HSPG2: variants seen among roughly 807,000 people sequenced by gnomAD.
The protein encoded by HSPG2 is heparan sulfate proteoglycan 2, also known as basement membrane-specific heparan sulfate proteoglycan core protein.
In HSPG2, 278 loss-of-function variants were observed where a neutral mutation model predicts 526.6. The ratio of observed to expected loss-of-function variants is 0.53; its 90% confidence interval spans 0.48 to 0.58. The LOEUF is 0.58. Ranked by LOEUF, HSPG2 falls within the 20% of genes least tolerant of loss-of-function variation. The pLI, the probability that HSPG2 is intolerant of heterozygous loss-of-function variation, is 0.00. For synonymous variants in HSPG2, 2,465 were observed against 2,555.4 expected, an observed-to-expected ratio of 0.96 and a Z score of 1.07; for missense variants, 5,354 against 6,099.5, an observed-to-expected ratio of 0.88 and a Z score of 4.07.
rs2097956311 is a variant in HSPG2 at position 21,823,174 on chromosome 1, T to A, written c.*142A>T. The A allele has an allele frequency of 3.6e-6, 3 of 829,954 alleles. No individual in the cohort carries two copies. In the Admixed American group the frequency reaches 9.5e-5, roughly 26 times the overall value. The allele number at this position is 829,954 out of a possible 1,614,324, so 51.4% of individuals were successfully genotyped here. ...TGTGTGTGAGGGTGGCATGCCCACC[T>A]CCAGTCCAGCCCAGGGCGGTAGCAG... On this transcript the variant is annotated 3_prime_UTR_variant, in exon 97 of 97. Transcript: ENST00000374695.
chr1:21,838,962 C>A lies in HSPG2; in HGVS notation c.10013G>T (p.Ser3338Ile). 1 of 1,612,746 alleles carries A rather than the reference C, an allele frequency of 6.2e-7. No individual in the cohort carries two copies. The highest frequency in any genetic ancestry group is 8.5e-7 in the Non-Finnish European group (1 of 1,179,238). Reference protein sequence around the residue: ...LTFQWSRVGSSLPGRATARNE... With the variant: ...LTFQWSRVGSILPGRATARNE... ...CCTGGCGGTCGCCCTCCCAGGAAGGCTGCTGCCCACGCGGCTCCACTGGAA... is the reference window on the plus strand; with the variant it reads ...CCTGGCGGTCGCCCTCCCAGGAAGGATGCTGCCCACGCGGCTCCACTGGAA... Residue 3338 changes from serine to isoleucine, a missense_variant, in exon 74 of 97, where the codon AGC becomes ATC. Ser to Ile is a moderately radical substitution (Grantham distance 142). Transcript: ENST00000374695.
Position 21,851,574 on chromosome 1 carries a change from C to G in HSPG2, c.7130G>C (p.Arg2377Pro). ...QSHAQVTWHK[R>P]GGSLPVRHQT... ...GTGCCGGACAGGGAGGCTGCCCCCA[C>G]GCTTGTGCCACGTGACCTGGGCATG... is the stretch of plus-strand genomic sequence containing the variant. Residue 2377 changes from arginine (R) to proline (P), a missense_variant, in exon 55 of 97, where the codon CGT becomes CCT. Transcript: ENST00000374695. 6.2e-7 allele frequency: 1 copy of G among 1,614,054 alleles called. No homozygotes were observed. Among genetic ancestry groups the G allele is most frequent in the Non-Finnish European group, 8.5e-7 (1 of 1,180,048 alleles).
intron 1 of HSPG2, among the ~76,000 whole-genome samples, chr1:21,924,074 A>T (rs1159096733): frequency 6.6e-6 from 1 of 152,152 alleles, no homozygotes; most frequent in Non-Finnish European, 1.5e-5. Flanking sequence ...GGGGCTACAC[A>T]AGAAGACAGG....
In HSPG2 at chr1:21,896,296, C is replaced by T. The variant is rs1421195425; in HGVS notation, c.78G>A (p.Leu26=). 6.2e-7 allele frequency: 1 copy of T among 1,613,590 alleles called. No homozygotes were observed. The highest frequency in any genetic ancestry group is 8.5e-7 in the Non-Finnish European group (1 of 1,180,026). ...GCAGAGACAAGCCATCGTATGCCCT[C>T]AGCCCATGGGTCACCTGTAAGCAAA... is the stretch of plus-strand genomic sequence containing the variant. ...HGRLLAVTHG[L]RAYDGLSLPE... Residue 26 remains leucine (L), a synonymous_variant, in exon 2 of 97, where the codon CTG becomes CTA. Transcript: ENST00000374695.
At chr1:21,826,634 G>A (rs1490294502) in intron 91 of HSPG2, among the ~76,000 whole-genome samples, 2 of 151,406 alleles carry the variant, frequency 1.3e-5, no homozygotes, top group South Asian at 2.1e-4. Flanking sequence ...CTCAGCCTCC[G>A]GAGTAGCTGG....
rs1225510685 is a variant in HSPG2 at position 21,878,428 on chromosome 1, C to G, written c.2617+5G>C. ...GTGTCAGGGGATGGTGGCAGCCATA[C>G]TCACTGACGGGCCTGCACTTCCCGC... On this transcript the variant is annotated splice_donor_5th_base_variant and intron_variant, in intron 20 of 96. Transcript: ENST00000374695. 2 of 1,602,130 alleles carry G rather than the reference C, an allele frequency of 1.2e-6. No individual in the cohort carries two copies. The highest frequency in any genetic ancestry group is 1.7e-6 in the Non-Finnish European group (2 of 1,173,034).
chr1:21,830,893 C>T, intron 85 of HSPG2, 89 bp downstream of exon 85: 1 of 833,250 alleles, frequency 1.2e-6, no homozygotes, highest in Admixed American at 2.0e-5. Flanking sequence ...GGAAGTGCCC[C>T]AGTGGTTGAG....
rs139890391 is a variant in HSPG2 at position 21,905,847 on chromosome 1, C to CA, written c.64-9538dup. ...ACAACATAGTGAGACTCTGTCTCTA[C>CA]AAAAAAATTAAAAATCAGCCCGTTG... is the stretch of plus-strand genomic sequence containing the variant. On this transcript the variant is annotated intron_variant, in intron 1 of 96. Transcript: ENST00000374695. 1.2e-3 allele frequency among the ~76,000 whole-genome samples: 190 copies of CA among 152,210 alleles called. 5 individuals carry two copies. In the East Asian group the frequency reaches 0.031, roughly 25 times the overall value.
chr1:21,841,768 A>G lies in HSPG2; in HGVS notation c.9194-95T>C. 8.0e-6 allele frequency: 12 copies of G among 1,498,294 alleles called. 1 individual carries two copies. In the South Asian group the frequency reaches 8.0e-5, roughly 10 times the overall value. 92.8% of individuals were successfully genotyped at this position (1,498,294 alleles called of 1,614,324 possible). ...CTGTGCCCCTGGGCCCACTTCCCCA[A>G]TCCCTCCGGCCTGGGTGTGTCTAGC... On this transcript the variant is annotated intron_variant, in intron 69 of 96. Transcript: ENST00000374695.
chr1:21,855,797 G>C lies in HSPG2; in HGVS notation c.5691C>G (p.Leu1897=). The change falls in exon 45 of 97, where the codon CTC becomes CTG. Residue 1897 remains leucine (L), a synonymous_variant. Coordinates refer to ENST00000374695, the MANE Select transcript of HSPG2 (RefSeq NM_005529.7). ...CCATCACGGCCTCACCTGTCCACTC[G>C]AGGGTGGGCGTGGGGCTCCCTGTGG... ...CSATGSPTPT[L]EWTGGPGGQL... 1 of 1,613,176 alleles carries C rather than the reference G, an allele frequency of 6.2e-7. No homozygotes were observed. Among genetic ancestry groups the C allele is most frequent in the Non-Finnish European group, 8.5e-7 (1 of 1,179,888 alleles).
chr1:21,894,412 C>A (rs541534196), intron 3 of HSPG2, among the ~76,000 whole-genome samples: 1 of 152,128 alleles, frequency 6.6e-6, no homozygotes, highest in Non-Finnish European at 1.5e-5. Context: ...GGGAGGCACA[C>A]CTGCTGCCTC....
chr1:21,890,404 G>T lies in HSPG2; in HGVS notation c.413+23C>A, dbSNP rs1310368206. ...GGTTACCCGCTCAAGTCCCCCAGCA[G>T]CCCCCAGGGAGCCCCTTCTCACTTG... On this transcript the variant is annotated intron_variant, in intron 5 of 96. Coordinates refer to ENST00000374695, the MANE Select transcript of HSPG2 (RefSeq NM_005529.7). The surrounding 1 kb of genome is among the most constrained non-coding windows in gnomAD (Gnocchi z 4.1). The T allele has an allele frequency of 4.3e-6, 7 of 1,611,240 alleles. No individual in the cohort carries two copies. Among genetic ancestry groups the T allele is most frequent in the Non-Finnish European group, 5.1e-6 (6 of 1,177,618 alleles).
Position 21,845,996 on chromosome 1 carries a change from G to A in HSPG2, c.8464+112C>T, listed in dbSNP as rs1638400331. 3 of 1,301,964 alleles carry A rather than the reference G, an allele frequency of 2.3e-6. No homozygotes were observed. The East Asian group carries it at 6.9e-5, about 30-fold the overall frequency. The allele number at this position is 1,301,964 out of a possible 1,614,324, so 80.7% of individuals were successfully genotyped here. On this transcript the variant is annotated intron_variant, in intron 64 of 96. Coordinates refer to ENST00000374695, the MANE Select transcript of HSPG2 (RefSeq NM_005529.7). ...GCGGGAGGTGAAGTCTGGAATCAGA[G>A]CGGCAGTTCTCGCCGAGTGCCAGAA...
chr1:21,835,154 T>G, intron 76 of HSPG2: 1 of 653,556 alleles, frequency 1.5e-6, no homozygotes, highest in Non-Finnish European at 2.7e-6. Flanking sequence ...TTTTTTTTTT[T>G]AGACAAAGGG....
intron 1 of HSPG2, among the ~76,000 whole-genome samples, chr1:21,907,333 C>A (rs1364969324): frequency 2.0e-5 from 3 of 152,164 alleles, no homozygotes; most frequent in African/African-American, 7.2e-5. Flanking sequence ...CGACTGAGAA[C>A]AGGGCTCCCA....
rs188177265 is a variant in HSPG2, at chr1:21,926,019, G to A, written c.63+11136C>T. ...TAATTTTTGTATTTTCAGTAGAGAT[G>A]GGGTTTTACCATGTTGGCCAGGCTG... is the stretch of plus-strand genomic sequence containing the variant. On this transcript the variant is annotated intron_variant, in intron 1 of 96. Transcript: ENST00000374695. Among the ~76,000 whole-genome samples, 781 of 152,118 alleles carry A rather than the reference G, an allele frequency of 5.1e-3. 3 individuals are homozygous for A. Among genetic ancestry groups the A allele is most frequent in the Non-Finnish European group, 9.0e-3 (613 of 68,000 alleles).
In HSPG2 at chr1:21,865,583, G is replaced by A; in HGVS notation, c.4314+134C>T. On this transcript the variant is annotated intron_variant, in intron 34 of 96. Coordinates refer to ENST00000374695, the MANE Select transcript of HSPG2 (RefSeq NM_005529.7). The surrounding 1 kb of genome is among the most constrained non-coding windows in gnomAD (Gnocchi z 5.4). ...GTGTCCAACCAGGCAGGGATGTGGG[G>A]GCATGGGCCTAACTCCCCCAGCCTG... The A allele has an allele frequency of 1.1e-6, 1 of 899,508 alleles. No individual in the cohort carries two copies. Among genetic ancestry groups the A allele is most frequent in the Non-Finnish European group, 1.8e-6 (1 of 540,646 alleles). 55.7% of individuals were successfully genotyped at this position (899,508 alleles called of 1,614,324 possible).
rs945004514 is a variant in HSPG2, at chr1:21,854,193, C to G, written c.6439G>C (p.Val2147Leu). Residue 2147 changes from valine to leucine, a missense_variant and splice_region_variant, in exon 50 of 97, where the codon GTG becomes CTG. Transcript: ENST00000374695. ...GTHSGPSYTP[V>L]PGSTRPIRIE... is the part of the protein sequence containing the mutation. ...GGCCCAGCCACACCTGGCTCCTCAC[C>G]TGGGGTGTAGCTGGGGCCAGAATGG... is the stretch of plus-strand genomic sequence containing the variant. The G allele has an allele frequency of 8.2e-6, 13 of 1,585,860 alleles. No homozygotes were observed. Among genetic ancestry groups the G allele is most frequent in the Non-Finnish European group, 1.1e-5 (13 of 1,164,956 alleles).
At position 21,836,784 on chromosome 1, in the gene HSPG2, G is replaced by A; in HGVS notation, c.10355+18C>T. On this transcript the variant is annotated intron_variant, in intron 75 of 96. Coordinates refer to ENST00000374695, the MANE Select transcript of HSPG2 (RefSeq NM_005529.7). ...GGCTATGCTGCCCAAGTCCAGTCCT[G>A]CCCCCGGCCCCACTCACCGGAGCAC... 1.9e-6 allele frequency: 3 copies of A among 1,540,224 alleles called. No individual in the cohort carries two copies. Among genetic ancestry groups the A allele is most frequent in the Non-Finnish European group, 1.7e-6 (2 of 1,146,876 alleles).
Sources: gnomAD v4.1 joint callset for allele counts (sites outside exome capture counted in the v4.1 genomes callset) on GRCh38, gnomAD v4.1.1 for gene constraint, Gnocchi (gnomAD v3.1) non-coding constraint, MANE v1.5 for transcripts, NCBI Gene and HGNC (gene_info 2026-07-23, HGNC 2026-07-21) for gene names.